FANCC: variants seen among roughly 807,000 people sequenced by gnomAD.
The protein encoded by FANCC is FA complementation group C, also known as Fanconi anemia group C protein.
FANCC carries 55 observed loss-of-function variants against 71.3 expected under a neutral mutation model. That is an observed-to-expected ratio of 0.77 (90% CI 0.62 to 0.97). The LOEUF (loss-of-function observed/expected upper bound fraction) is 0.97, where lower values mean the gene tolerates loss of function less well. Among genes scored for constraint, FANCC ranks in the 50% least tolerant of loss-of-function variants. FANCC has a pLI of 0.00. For synonymous variants in FANCC, 275 were observed against 244.9 expected (o/e 1.12, Z -1.15); for missense variants, 678 against 670.9 (o/e 1.01, Z -0.12).
intron 1 of FANCC, among the ~76,000 whole-genome samples, chr9:95,258,718 C>T (rs1333134767): frequency 1.3e-5 from 2 of 152,028 alleles, no homozygotes; most frequent in African/African-American, 4.8e-5. Flanking sequence ...AGAAATAAAG[C>T]ATATTCAAAT....
At chr9:95,206,189 G>A (rs1828111727) in intron 4 of FANCC, among the ~76,000 whole-genome samples, 1 of 152,178 alleles carries the variant, frequency 6.6e-6, no homozygotes, top group Non-Finnish European at 1.5e-5. Context: ...AAGGAGGAAG[G>A]AGAAAGGAAA....
intron 4 of FANCC, among the ~76,000 whole-genome samples, chr9:95,220,688 G>C (rs1829193262): frequency 6.6e-6 from 1 of 151,952 alleles, no homozygotes; most frequent in South Asian, 2.1e-4. Flanking sequence ...TGGACACAGG[G>C]TGGGGAACAT....
At chr9:95,291,188 C>T (rs1334653312) in intron 1 of FANCC, among the ~76,000 whole-genome samples, 1 of 152,072 alleles carries the variant, frequency 6.6e-6, no homozygotes, top group Non-Finnish European at 1.5e-5. Flanking sequence ...CCACTCTTAC[C>T]ACTTCTATCC....
intron 4 of FANCC, among the ~76,000 whole-genome samples, chr9:95,173,128 T>C (rs1278693448): frequency 2.6e-5 from 4 of 152,242 alleles, no homozygotes; most frequent in African/African-American, 9.6e-5. Flanking sequence ...AACACCTGTA[T>C]GGCACTTTCA....
chr9:95,292,717 C>G (rs1834120654), intron 1 of FANCC: 2 of 1,326,014 alleles, frequency 1.5e-6, no homozygotes, highest in Non-Finnish European at 2.2e-6. Flanking sequence ...AAAACTGTAC[C>G]GAAATTCTAC....
intron 1 of FANCC, chr9:95,293,875 G>T: frequency 6.2e-7 from 1 of 1,607,152 alleles, no homozygotes; most frequent in Non-Finnish European, 8.5e-7. Context: ...GACCAAGCTG[G>T]AATGTGCAGA....
At chr9:95,246,829 G>T (rs942178377) in intron 3 of FANCC, among the ~76,000 whole-genome samples, 3 of 152,156 alleles carry the variant, frequency 2.0e-5, no homozygotes, top group Non-Finnish European at 4.4e-5. Context: ...AGCTGTGAAA[G>T]ATGAAACAGG....
At chr9:95,151,027 G>C (rs992821518) in intron 6 of FANCC, among the ~76,000 whole-genome samples, 4 of 152,192 alleles carry the variant, frequency 2.6e-5, no homozygotes, top group African/African-American at 9.7e-5. Context: ...AACAGCTATA[G>C]GTGGCTGGCG....
At chr9:95,130,701 C>A (rs148382799) in intron 8 of FANCC, among the ~76,000 whole-genome samples, 1 of 152,168 alleles carries the variant, frequency 6.6e-6, no homozygotes, top group African/African-American at 2.4e-5. Flanking sequence ...TAGCTGTTTC[C>A]GAGCCACTGT....
At chr9:95,107,971 T>C (rs1056012338) in intron 13 of FANCC, among the ~76,000 whole-genome samples, 1 of 152,138 alleles carries the variant, frequency 6.6e-6, no homozygotes, top group Non-Finnish European at 1.5e-5. Flanking sequence ...GCTACAAGAA[T>C]GGTACACCCA....
chr9:95,247,679 A>G (rs1831076950), intron 2 of FANCC, among the ~76,000 whole-genome samples, 163 bp from the exon 3 acceptor site: 1 of 152,248 alleles, frequency 6.6e-6, no homozygotes, highest in Non-Finnish European at 1.5e-5. Flanking sequence ...AGTAATTCAA[A>G]TAAAGTTTAA....
At chr9:95,292,358 G>A (rs192074881) in intron 1 of FANCC, 13,673 of 961,850 alleles carry the variant, frequency 0.014, 113 homozygotes, top group Non-Finnish European at 0.016. Context: ...CGGAGGCGGT[G>A]GCGGCGGCGG....
intron 4 of FANCC, among the ~76,000 whole-genome samples, chr9:95,181,207 T>C (rs1826343432): frequency 6.6e-6 from 1 of 151,636 alleles, no homozygotes; most frequent in African/African-American, 2.4e-5. Flanking sequence ...CAAAATTACA[T>C]ATTTTAATTT....
At chr9:95,294,738 C>A (rs1319301320) in intron 1 of FANCC, 1 of 1,601,746 alleles carries the variant, frequency 6.2e-7, no homozygotes, top group African/African-American at 1.3e-5. Flanking sequence ...TGGCCTGGAA[C>A]ATGATGGAGT....
In FANCC at chr9:95,172,129, G is replaced by A. The variant is rs1064796148; in HGVS notation, c.364C>T (p.Leu122Phe). Residue 122 changes from leucine to phenylalanine, a missense_variant, in exon 5 of 15, where the codon CTT becomes TTT. Transcript: ENST00000289081. ...SWIQGVLSHILSALRFDKEVA... is the reference protein window; with the variant it reads ...SWIQGVLSHIFSALRFDKEVA... ...TCTTTATCAAATCTGAGTGCTGAAA[G>A]TATATGAGATAATACACCCTAAAAA... The A allele has an allele frequency of 1.9e-6, 3 of 1,610,534 alleles. No homozygotes were observed. Among genetic ancestry groups the A allele is most frequent in the Admixed American group, 3.3e-5 (2 of 59,992 alleles).
At chr9:95,296,886 T>C (rs776822468) in intron 1 of FANCC, among the ~76,000 whole-genome samples, 1 of 152,258 alleles carries the variant, frequency 6.6e-6, no homozygotes, top group Non-Finnish European at 1.5e-5. Context: ...ATGGCTTTTA[T>C]ATATTTAGGA....
intron 4 of FANCC, among the ~76,000 whole-genome samples, chr9:95,195,207 A>AC (rs1827366281): frequency 1.4e-5 from 2 of 148,090 alleles, no homozygotes; most frequent in Non-Finnish European, 3.0e-5. Flanking sequence ...AAAAAAAAAA[A>AC]AAAAAAAAAA....
intron 6 of FANCC, among the ~76,000 whole-genome samples, chr9:95,155,312 GA>G (rs1830406443): frequency 1.9e-5 from 1 of 52,990 alleles, no homozygotes. Flanking sequence ...GAGAGGAGGG[GA>G]GGGGAGGGGA....
At chr9:95,311,182 C>T (rs1421530501) in intron 1 of FANCC, among the ~76,000 whole-genome samples, 2 of 142,288 alleles carry the variant, frequency 1.4e-5, no homozygotes, top group African/African-American at 5.3e-5. Context: ...TGCAATGAGC[C>T]GAGATCGCGC....
Sources: gnomAD v4.1 joint callset for allele counts (sites outside exome capture counted in the v4.1 genomes callset) on GRCh38, gnomAD v4.1.1 for gene constraint, MANE v1.5 for transcripts, NCBI Gene and HGNC (gene_info 2026-07-23, HGNC 2026-07-21) for gene names.